Variants in LIN54 observed in about 807,000 individuals in gnomAD.
LIN54 encodes the protein lin-54 DREAM MuvB core complex component.
In LIN54, 9 loss-of-function variants were observed where a neutral mutation model predicts 78.7. The ratio of observed to expected loss-of-function variants is 0.11; its 90% CI spans 0.07 to 0.20. The LOEUF is 0.20. Ranked by LOEUF, LIN54 falls within the 10% of genes least tolerant of loss-of-function variation. The pLI is 1.00. For missense variants in LIN54, 573 were observed against 889.9 expected, an observed-to-expected ratio of 0.64 and a Z score of 4.53; for synonymous variants, 269 against 318.4, an observed-to-expected ratio of 0.84 and a Z score of 1.65.
chr4:82,932,462 C>T (rs1370414030), intron 11 of LIN54, among the ~76,000 whole-genome samples: 2 of 151,624 alleles, frequency 1.3e-5, no homozygotes, highest in African/African-American at 4.8e-5. Flanking sequence ...CCTCACATCT[C>T]ATCAGCAATG....
chr4:82,968,489 C>A (rs1725402845), intron 4 of LIN54, among the ~76,000 whole-genome samples: 1 of 152,052 alleles, frequency 6.6e-6, no homozygotes, highest in Non-Finnish European at 1.5e-5. Context: ...AGATTCTCCC[C>A]CTAAGATACT....
At chr4:82,966,968 G>A (rs1362771014) in intron 4 of LIN54, among the ~76,000 whole-genome samples, 6 of 152,032 alleles carry the variant, frequency 3.9e-5, no homozygotes, top group South Asian at 4.2e-4. Context: ...TAGCCGTTAC[G>A]TCTGTAATCC....
rs372954447 is a variant in LIN54 at position 83,006,246 on chromosome 4, A to G, written c.-33+4238T>C. Among the ~76,000 whole-genome samples the G allele has an allele frequency of 1.2e-4, 19 of 152,206 alleles. No homozygotes were observed. In the East Asian group the frequency reaches 3.1e-3, roughly 25 times the overall value. On this transcript the variant is annotated intron_variant, in intron 1 of 12. Transcript: ENST00000340417. Reference sequence around the variant, plus strand: ...GGGCGGACCATGAGGTCAGGAGAGCAGTATCATCCTGGCTAACACGGTGAA... The same window carrying G: ...GGGCGGACCATGAGGTCAGGAGAGCGGTATCATCCTGGCTAACACGGTGAA...
rs1258001366 is a variant in LIN54 at position 82,925,139 on chromosome 4, A to G, written c.*2963T>C. ...CTACAGGTTGTGTTTAGTGCTTCAGAAAAAAAGGAAACTAAGAAAGATAGC... is the reference window on the plus strand; with the variant it reads ...CTACAGGTTGTGTTTAGTGCTTCAGGAAAAAAGGAAACTAAGAAAGATAGC... On this transcript the variant is annotated 3_prime_UTR_variant, in exon 13 of 13. Coordinates refer to ENST00000340417, the MANE Select transcript of LIN54 (RefSeq NM_194282.4). The G allele has an allele frequency of 6.6e-6, 1 of 152,582 alleles. No individual in the cohort carries two copies. The highest frequency in any genetic ancestry group is 2.4e-5 in the African/African-American group (1 of 41,432). 9.5% of individuals were successfully genotyped at this position (152,582 alleles called of 1,614,324 possible). A position where few individuals can be genotyped will look rare whatever the true frequency, so the allele number is the denominator to read the frequency against.
At chr4:82,970,228 C>A in intron 4 of LIN54, 99 bp downstream of exon 4, 1 of 1,095,424 alleles carries the variant, frequency 9.1e-7, no homozygotes, top group African/African-American at 1.6e-5. Context: ...CTATTACTTG[C>A]TTGGGAATGT....
At chr4:82,950,709 T>G (rs563622306) in intron 4 of LIN54, among the ~76,000 whole-genome samples, 1 of 152,280 alleles carries the variant, frequency 6.6e-6, no homozygotes, top group South Asian at 2.1e-4. Context: ...GCGGACAGAC[T>G]TGCAAGACAT....
intron 1 of LIN54, among the ~76,000 whole-genome samples, chr4:82,985,738 G>T (rs1727076776): frequency 6.6e-6 from 1 of 152,140 alleles, no homozygotes; most frequent in African/African-American, 2.4e-5. Context: ...ACAGGGTTTT[G>T]CCATGTTGGC....
At chr4:82,944,038 A>T (rs1170028346) in intron 5 of LIN54, among the ~76,000 whole-genome samples, 1 of 150,702 alleles carries the variant, frequency 6.6e-6, no homozygotes, top group Non-Finnish European at 1.5e-5. Flanking sequence ...CCAACTAATT[A>T]TTGTATTTTT....
intron 3 of LIN54, among the ~76,000 whole-genome samples, chr4:82,976,527 G>A (rs1026390258): frequency 6.6e-6 from 1 of 152,114 alleles, no homozygotes; most frequent in Non-Finnish European, 1.5e-5. Context: ...GGCCAACATG[G>A]TGAAACCCCG....
chr4:82,941,708 G>GA (rs928343231), intron 5 of LIN54, among the ~76,000 whole-genome samples: 6 of 152,146 alleles, frequency 3.9e-5, no homozygotes, highest in African/African-American at 1.4e-4. Flanking sequence ...TGGTGTAGGT[G>GA]AAAGGACCAT....
At chr4:82,953,145 C>T (rs1016394008) in intron 4 of LIN54, among the ~76,000 whole-genome samples, 17 of 152,172 alleles carry the variant, frequency 1.1e-4, no homozygotes, top group Non-Finnish European at 1.9e-4. Flanking sequence ...TGCATCACTA[C>T]GCCCAGCTAA....
intron 4 of LIN54, among the ~76,000 whole-genome samples, chr4:82,959,558 T>G (rs1288466277): frequency 6.6e-6 from 1 of 152,088 alleles, no homozygotes. Flanking sequence ...TTGCTCAAAA[T>G]TATTTCATCT....
rs186306709 is a variant in LIN54 at position 82,996,072 on chromosome 4, G to C, written c.-32-11196C>G. The stretch of plus-strand genomic sequence containing the variant: ...AGGCAGGAGAATTGCTTGAACCCGG[G>C]AGGCGGAGGTTGCGGTGAGCCGAAA... On this transcript the variant is annotated intron_variant, in intron 1 of 12. Coordinates refer to ENST00000340417, the MANE Select transcript of LIN54 (RefSeq NM_194282.4). Among the ~76,000 whole-genome samples the C allele has an allele frequency of 3.8e-4, 57 of 151,968 alleles. 1 individual carries two copies. The highest frequency in any genetic ancestry group is 1.3e-3 in the African/African-American group (55 of 41,528).
At chr4:82,931,917 T>C (rs752630760) in intron 11 of LIN54, among the ~76,000 whole-genome samples, 25 of 152,164 alleles carry the variant, frequency 1.6e-4, no homozygotes, top group Non-Finnish European at 2.9e-4. Flanking sequence ...TGGTATGATG[T>C]GTCAATTTTA....
intron 4 of LIN54, among the ~76,000 whole-genome samples, chr4:82,957,543 C>T (rs997148617): frequency 6.6e-6 from 1 of 152,072 alleles, no homozygotes; most frequent in African/African-American, 2.4e-5. Flanking sequence ...CCAATATTTC[C>T]GATTCATATT....
At chr4:82,958,420 T>C (rs549372816) in intron 4 of LIN54, among the ~76,000 whole-genome samples, 1 of 152,268 alleles carries the variant, frequency 6.6e-6, no homozygotes, top group South Asian at 2.1e-4. Flanking sequence ...CCAGGTCTGG[T>C]TCATAAAAGC....
At position 82,984,860 on chromosome 4, in the gene LIN54, A is replaced by G. The variant is rs1483289757; in HGVS notation, c.-16T>C. On this transcript the variant is annotated 5_prime_UTR_variant, in exon 2 of 13. Transcript: ENST00000340417. ...CCACCTCCATGATCGTTCTCCCGCT[A>G]GAAAGTTGATCAGGCACTGTAATAA... 1 of 1,592,500 alleles carries G rather than the reference A, an allele frequency of 6.3e-7. No individual in the cohort carries two copies. The highest frequency in any genetic ancestry group is 8.6e-7 in the Non-Finnish European group (1 of 1,169,566).
chr4:82,976,495 G>C (rs894375504), intron 3 of LIN54, among the ~76,000 whole-genome samples: 1 of 152,152 alleles, frequency 6.6e-6, no homozygotes, highest in African/African-American at 2.4e-5. Flanking sequence ...GGATCACAAG[G>C]TCAGGAGTTC....
chr4:82,979,152 T>G (rs535713912), intron 2 of LIN54, 146 bp from the exon 3 acceptor site: 1 of 476,526 alleles, frequency 2.1e-6, no homozygotes, highest in Non-Finnish European at 3.7e-6. Flanking sequence ...TAAGAACATT[T>G]AAAATGCAGA....
Sources: allele counts gnomAD v4.1 joint callset (sites outside exome capture counted in the v4.1 genomes callset), GRCh38; gene constraint gnomAD v4.1.1; transcripts MANE v1.5; gene names NCBI Gene and HGNC (gene_info 2026-07-23, HGNC 2026-07-21).